Variants in ABTB2 observed in about 807,000 individuals in gnomAD.
The protein encoded by ABTB2 is ankyrin repeat and BTB domain containing 2.
Under a neutral mutation model 104.1 loss-of-function variants are expected in ABTB2, and 56 were observed. The observed-to-expected ratio is 0.54, with a 90% confidence interval of 0.43 to 0.67. The LOEUF (loss-of-function observed/expected upper bound fraction) is 0.67, where lower values mean the gene tolerates loss of function less well. ABTB2 is among the 30% of genes least tolerant of loss of function. The pLI, the probability that ABTB2 is intolerant of heterozygous loss-of-function variation, is 0.00. For synonymous variants in ABTB2, 606 were observed against 608.2 expected (o/e 1.00, Z 0.05); for missense variants, 1,279 against 1,407.7 (o/e 0.91, Z 1.46).
At chr11:34,220,049 T>C (rs751765748) in intron 1 of ABTB2, among the ~76,000 whole-genome samples, 3 of 152,154 alleles carry the variant, frequency 2.0e-5, no homozygotes, top group African/African-American at 4.8e-5. Flanking sequence ...TAAGCAACAA[T>C]ATGCAATACC....
chr11:34,181,609 TAAG>T (rs1443907983), intron 3 of ABTB2, among the ~76,000 whole-genome samples: 7 of 152,068 alleles, frequency 4.6e-5, no homozygotes, highest in Admixed American at 3.9e-4. Context: ...ACCCACAAGC[TAAG>T]AAGGGCCTCG....
chr11:34,331,715 CAGA>C (rs1478059565), intron 1 of ABTB2, among the ~76,000 whole-genome samples: 1 of 152,294 alleles, frequency 6.6e-6, no homozygotes, highest in African/African-American at 2.4e-5. Context: ...TTCACTCACC[CAGA>C]AGAAGTGATA....
chr11:34,215,441 TATATTCATCAGAGA>T (rs1391292994), intron 1 of ABTB2, among the ~76,000 whole-genome samples: 1 of 152,226 alleles, frequency 6.6e-6, no homozygotes, highest in Non-Finnish European at 1.5e-5. Context: ...AGAACATGAG[TATATTCATCAGAGA>T]ATATTCATCA....
chr11:34,188,778 A>G (rs1853135628), intron 3 of ABTB2, among the ~76,000 whole-genome samples: 1 of 152,234 alleles, frequency 6.6e-6, no homozygotes, highest in Non-Finnish European at 1.5e-5. Context: ...GCAAAAGATT[A>G]ACGAGCCCAC....
chr11:34,174,559 G>A lies in ABTB2; in HGVS notation c.1245-1252C>T, dbSNP rs1164711286. 2.6e-5 allele frequency among the ~76,000 whole-genome samples: 4 copies of A among 152,194 alleles called. No homozygotes were observed. In the South Asian group the frequency reaches 6.2e-4, roughly 24 times the overall value. On this transcript the variant is annotated intron_variant, in intron 3 of 16. Transcript: ENST00000435224. ...GGGCCCTGACTGCGGCTCAGGCCGC[G>A]CCCGCCCCTGCCCTCGGCGAGCGGC...
chr11:34,261,484 A>T (rs1477235600), intron 1 of ABTB2, among the ~76,000 whole-genome samples: 2 of 142,374 alleles, frequency 1.4e-5, no homozygotes, highest in Non-Finnish European at 3.0e-5. Flanking sequence ...ATTGCATTAT[A>T]TAAAAAAGTA....
intron 9 of ABTB2, among the ~76,000 whole-genome samples, chr11:34,164,356 A>C (rs1852766587): frequency 8.3e-6 from 1 of 120,924 alleles, no homozygotes; most frequent in Non-Finnish European, 1.9e-5. Context: ...CTGGAGGACC[A>C]CCAGCAGGCA....
chr11:34,301,802 T>C (rs1054306468), intron 1 of ABTB2, among the ~76,000 whole-genome samples: 2 of 152,160 alleles, frequency 1.3e-5, no homozygotes, highest in African/African-American at 4.8e-5. Context: ...TGGGCAATTA[T>C]TGGATGAAAC....
At chr11:34,287,651 T>C (rs1854521716) in intron 1 of ABTB2, among the ~76,000 whole-genome samples, 1 of 152,220 alleles carries the variant, frequency 6.6e-6, no homozygotes, top group African/African-American at 2.4e-5. Context: ...TCTTCCAATT[T>C]TTGAAGACAG....
In ABTB2 at chr11:34,157,193, A is replaced by G. The variant is rs186601747; in HGVS notation, c.2697+2103T>C. Among the ~76,000 whole-genome samples the G allele has an allele frequency of 3.2e-3, 482 of 152,344 alleles. 7 individuals carry two copies. Among genetic ancestry groups the G allele is most frequent in the African/African-American group, 0.011 (465 of 41,586 alleles). On this transcript the variant is annotated intron_variant, in intron 14 of 16. Transcript: ENST00000435224. ...CGGAAAGTCGGAGCTGAGGTCTGGA[A>G]GCCCCATCTGAAATGATGCCCTGGA...
At chr11:34,221,497 G>A (rs1262987041) in intron 1 of ABTB2, among the ~76,000 whole-genome samples, 1 of 152,196 alleles carries the variant, frequency 6.6e-6, no homozygotes, top group Non-Finnish European at 1.5e-5. Flanking sequence ...AGTTTCCAAG[G>A]AGCAGGCTAA....
At chr11:34,178,587 G>A (rs1366522357) in intron 3 of ABTB2, among the ~76,000 whole-genome samples, 3 of 152,198 alleles carry the variant, frequency 2.0e-5, no homozygotes, top group South Asian at 2.1e-4. Context: ...CGCTTGTTGC[G>A]TTTCCCGTAG....
chr11:34,307,034 A>C (rs1430609602), intron 1 of ABTB2, among the ~76,000 whole-genome samples: 1 of 151,924 alleles, frequency 6.6e-6, no homozygotes, highest in Non-Finnish European at 1.5e-5. Flanking sequence ...AACTTTAAGA[A>C]GACTCAGTAA....
Position 34,287,336 on chromosome 11 carries a change from C to T in ABTB2, c.883+69365G>A, listed in dbSNP as rs1854517351. Among the ~76,000 whole-genome samples, 3 of 152,034 alleles carry T rather than the reference C, an allele frequency of 2.0e-5. No homozygotes were observed. In the South Asian group the frequency reaches 6.2e-4, roughly 32 times the overall value. Reference sequence around the variant, plus strand: ...CCTGTAATCCTAGCACTTTGAGAGGCCAGGAGTTTGAGACCAGCCTGAGAC... The same window carrying T: ...CCTGTAATCCTAGCACTTTGAGAGGTCAGGAGTTTGAGACCAGCCTGAGAC... On this transcript the variant is annotated intron_variant, in intron 1 of 16. Transcript: ENST00000435224.
intron 1 of ABTB2, among the ~76,000 whole-genome samples, chr11:34,213,378 G>A (rs534882733): frequency 6.6e-6 from 1 of 152,310 alleles, no homozygotes; most frequent in Admixed American, 6.5e-5. Context: ...TGCTCAGGAG[G>A]CTGAGGCAGG....
At chr11:34,160,835 T>C in intron 11 of ABTB2, 68 bp downstream of exon 11, 2 of 1,501,206 alleles carry the variant, frequency 1.3e-6, no homozygotes, top group Non-Finnish European at 1.8e-6. Context: ...TGCCTGTGTG[T>C]CCATCTGTGT....
intron 1 of ABTB2, among the ~76,000 whole-genome samples, chr11:34,352,660 C>T (rs10836195): frequency 0.16 from 24,031 of 152,172 alleles, 3,331 homozygotes; most frequent in African/African-American, 0.36. Context: ...TCTCATACCA[C>T]CCATATAAGC....
chr11:34,332,071 C>T (rs555479948), intron 1 of ABTB2, among the ~76,000 whole-genome samples: 1 of 152,334 alleles, frequency 6.6e-6, no homozygotes, highest in Admixed American at 6.5e-5. Context: ...ATGGTCTTCC[C>T]AGTATAGTAT....
chr11:34,325,221 T>C (rs1324352506), intron 1 of ABTB2, among the ~76,000 whole-genome samples: 3 of 152,038 alleles, frequency 2.0e-5, no homozygotes, highest in Non-Finnish European at 4.4e-5. Flanking sequence ...GAAAAATAAC[T>C]AGTTTGGGAA....
Sources: allele counts gnomAD v4.1 joint callset (sites outside exome capture counted in the v4.1 genomes callset), GRCh38; gene constraint gnomAD v4.1.1; transcripts MANE v1.5; gene names NCBI Gene and HGNC (gene_info 2026-07-23, HGNC 2026-07-21).